CD72: variants seen among roughly 807,000 people sequenced by gnomAD.
CD72 encodes the protein CD72 molecule.
In CD72, 28 loss-of-function variants were observed where a neutral mutation model predicts 50.7. The observed-to-expected ratio is 0.55, with a 90% CI of 0.41 to 0.76. The LOEUF is 0.76. CD72 is among the 30% of genes least tolerant of loss of function. The pLI, the probability that CD72 is intolerant of heterozygous loss-of-function variation, is 0.00. For missense variants in CD72, 403 were observed against 420.6 expected, an observed-to-expected ratio of 0.96 and a Z score of 0.37; for synonymous variants, 176 against 171.2, an observed-to-expected ratio of 1.03 and a Z score of -0.22.
At chr9:35,631,815 G>A (rs1009224280) in intron 1 of CD72, among the ~76,000 whole-genome samples, 1 of 152,118 alleles carries the variant, frequency 6.6e-6, no homozygotes, top group Admixed American at 6.5e-5. Context: ...GCGTGAACCC[G>A]GGAGACGGAG....
intron 1 of CD72, among the ~76,000 whole-genome samples, chr9:35,638,382 G>A (rs534336738): frequency 7.3e-5 from 11 of 151,716 alleles, no homozygotes; most frequent in Non-Finnish European, 5.9e-5. Flanking sequence ...TTCAGCCTCC[G>A]CTCCCCCACC....
chr9:35,619,527 C>T (rs1022108840), upstream of CD72: 2 of 152,212 alleles, frequency 1.3e-5, no homozygotes, highest in Non-Finnish European at 2.9e-5. Flanking sequence ...GCCAACAGCT[C>T]GGATGATTGG....
intron 1 of CD72, among the ~76,000 whole-genome samples, chr9:35,627,812 A>G (rs1474560431): frequency 6.6e-6 from 1 of 152,036 alleles, no homozygotes; most frequent in East Asian, 1.9e-4. Context: ...TGATGCTCCT[A>G]TGATAAGTTT....
At chr9:35,619,220 C>T (rs116381617), upstream of CD72, among the ~76,000 whole-genome samples, 1,398 of 152,222 alleles carry the variant, frequency 9.2e-3, 13 homozygotes, top group Middle Eastern at 0.031. Context: ...ACCCAGGGAC[C>T]GCGAGGCCCT....
At chr9:35,612,571 T>C (rs1823002281) in intron 6 of CD72, among the ~76,000 whole-genome samples, 1 of 150,508 alleles carries the variant, frequency 6.6e-6, no homozygotes. Flanking sequence ...GGTGACAGAG[T>C]GAGACTCTGT....
At chr9:35,613,825 G>C (rs113484331) in intron 5 of CD72, among the ~76,000 whole-genome samples, 1,536 of 152,216 alleles carry the variant, frequency 0.01, 23 homozygotes, top group African/African-American at 0.035. Flanking sequence ...TCAACATGGT[G>C]AAACCCCACC....
At chr9:35,637,995 T>A (rs1209129864) in intron 1 of CD72, among the ~76,000 whole-genome samples, 1 of 152,150 alleles carries the variant, frequency 6.6e-6, no homozygotes, top group African/African-American at 2.4e-5. Flanking sequence ...AAAACCTAAA[T>A]GCCTTATTTT....
At chr9:35,610,784 G>A (rs763764643) in intron 7 of CD72, 31 bp from the exon 8 acceptor site, 3 of 1,585,296 alleles carry the variant, frequency 1.9e-6, no homozygotes, top group Admixed American at 3.3e-5. Flanking sequence ...GCTGGGATAT[G>A]CTCTGGACAT....
At chr9:35,614,334 T>C (rs1253369588) in intron 5 of CD72, among the ~76,000 whole-genome samples, 2 of 152,190 alleles carry the variant, frequency 1.3e-5, no homozygotes, top group Non-Finnish European at 2.9e-5. Flanking sequence ...CTGGCTCCAA[T>C]ATGAAGAATG....
intron 1 of CD72, among the ~76,000 whole-genome samples, chr9:35,629,618 G>T (rs1388864533): frequency 1.3e-5 from 2 of 152,190 alleles, no homozygotes; most frequent in Non-Finnish European, 2.9e-5. Context: ...GATTCTGCAG[G>T]CCAGGCAGCC....
At chr9:35,620,961 G>A (rs758532894), upstream of CD72, among the ~76,000 whole-genome samples, 10 of 152,266 alleles carry the variant, frequency 6.6e-5, no homozygotes, top group East Asian at 1.9e-4. Context: ...ATCACAGGCC[G>A]CATTCGCTTC....
intron 1 of CD72, among the ~76,000 whole-genome samples, chr9:35,637,937 T>C (rs1023795232): frequency 6.6e-6 from 1 of 152,142 alleles, no homozygotes; most frequent in South Asian, 2.1e-4. Context: ...CCCCCATCTT[T>C]TCCCTTAGCC....
chr9:35,636,848 T>A (rs1281645795), intron 1 of CD72, among the ~76,000 whole-genome samples: 1 of 152,168 alleles, frequency 6.6e-6, no homozygotes, highest in Admixed American at 6.5e-5. Context: ...AGAAAAGCCA[T>A]TATATCCCCT....
intron 1 of CD72, among the ~76,000 whole-genome samples, chr9:35,644,963 A>T (rs1563901636): frequency 6.8e-6 from 1 of 147,890 alleles, no homozygotes; most frequent in Non-Finnish European, 1.5e-5. Context: ...GCACTTTGGG[A>T]GGCCAAGGTG....
chr9:35,610,989 T>A lies in CD72; in HGVS notation c.951-236A>T, dbSNP rs530218981. Among the ~76,000 whole-genome samples, 2 of 152,190 alleles carry A rather than the reference T, an allele frequency of 1.3e-5. 1 individual carries two copies. Among genetic ancestry groups the A allele is most frequent in the East Asian group, 3.9e-4 (2 of 5,186 alleles). Reference sequence around the variant, plus strand: ...AGGCCAGGCTGGGCACGGTGGCTCATGCCTGCAATCCCAGCACTTTGGGAG... The same window carrying A: ...AGGCCAGGCTGGGCACGGTGGCTCAAGCCTGCAATCCCAGCACTTTGGGAG... On this transcript the variant is annotated intron_variant, in intron 7 of 8. Coordinates refer to ENST00000259633, the MANE Select transcript of CD72 (RefSeq NM_001782.3).
rs1334375245 is a variant in CD72 at position 35,616,009 on chromosome 9, C to T, written c.622G>A (p.Ala208Thr). 6.2e-7 allele frequency: 1 copy of T among 1,613,966 alleles called. No individual in the cohort carries two copies. Among genetic ancestry groups the T allele is most frequent in the Non-Finnish European group, 8.5e-7 (1 of 1,180,018 alleles). ...ATGTTGCTCAGCTTCTGCTCCAAGG[C>T]CCTCCTCTGTTGCTCCTCACTTTGC... ...TLQSEEQQRR[A>T]LEQKLSNMEN... The change falls in exon 5 of 9, where the codon GCC becomes ACC. Residue 208 changes from alanine to threonine, a missense_variant. By Grantham distance (58) the Ala-to-Thr change is moderately conservative. Transcript: ENST00000259633.
intron 7 of CD72, 86 bp downstream of exon 7, chr9:35,611,718 G>A: frequency 1.3e-6 from 1 of 757,346 alleles, no homozygotes; most frequent in Non-Finnish European, 2.4e-6. Context: ...GTCCTGAGGG[G>A]ACCAGGTGGG....
In CD72 at chr9:35,610,672, ACTT is replaced by A. The variant is rs756268850; in HGVS notation, c.1029_1031del (p.Arg343del). On this transcript the variant is annotated inframe_deletion, in exon 8 of 9. Transcript: ENST00000259633. ...TCATCTCACAGATGTAGGGAAGAGAACTTCTACATGACTCTGACTCCAGTGTCC... is the reference window on the plus strand; with the variant it reads ...TCATCTCACAGATGTAGGGAAGAGAACTACATGACTCTGACTCCAGTGTCC... 8 of 1,613,586 alleles carry A rather than the reference ACTT, an allele frequency of 5.0e-6. No individual in the cohort carries two copies. Among genetic ancestry groups the A allele is most frequent in the Non-Finnish European group, 6.8e-6 (8 of 1,179,478 alleles).
chr9:35,617,941 A>G, intron 2 of CD72, 73 bp downstream of exon 2: 2 of 914,232 alleles, frequency 2.2e-6, no homozygotes, highest in Non-Finnish European at 3.7e-6. Context: ...AAGAACAACA[A>G]CAAAAACATT....
Sources: gnomAD v4.1 joint callset for allele counts (sites outside exome capture counted in the v4.1 genomes callset) on GRCh38, gnomAD v4.1.1 for gene constraint, MANE v1.5 for transcripts, NCBI Gene and HGNC (gene_info 2026-07-23, HGNC 2026-07-21) for gene names.